The following DENND1A variants were observed in gnomAD, a reference collection of about 807,000 sequenced individuals.
The protein encoded by DENND1A is DENN domain containing 1A, also known as DENN domain-containing protein 1A.
In DENND1A, 51 loss-of-function variants were observed where a neutral mutation model predicts 113.7. The observed-to-expected ratio is 0.45, with a 90% CI of 0.36 to 0.57. DENND1A has a LOEUF of 0.57. Ranked by LOEUF, DENND1A falls within the 20% of genes least tolerant of loss-of-function variation. DENND1A has a pLI of 0.00. For missense variants in DENND1A, 1,258 were observed against 1,395.9 expected (o/e 0.90, Z 1.57); for synonymous variants, 565 against 570.8 (o/e 0.99, Z 0.14).
intron 1 of DENND1A, among the ~76,000 whole-genome samples, chr9:123,927,093 C>T (rs1178982035): frequency 6.6e-6 from 1 of 152,200 alleles, no homozygotes; most frequent in Non-Finnish European, 1.5e-5. Context: ...ATCGCCACCA[C>T]TGGACAGTAG....
intron 10 of DENND1A, among the ~76,000 whole-genome samples, chr9:123,612,910 G>GT (rs1296042273): frequency 6.6e-6 from 1 of 152,174 alleles, no homozygotes; most frequent in East Asian, 1.9e-4. Context: ...ACATGGTAGG[G>GT]TTTTCTCTGA....
intron 5 of DENND1A, among the ~76,000 whole-genome samples, chr9:123,737,198 G>A (rs1312856280): frequency 6.6e-6 from 1 of 151,996 alleles, no homozygotes; most frequent in Non-Finnish European, 1.5e-5. Flanking sequence ...GGTTGTTGTT[G>A]TTGTACTTGT....
intron 13 of DENND1A, among the ~76,000 whole-genome samples, chr9:123,541,416 G>A (rs993708722): frequency 6.6e-6 from 1 of 152,172 alleles, no homozygotes; most frequent in African/African-American, 2.4e-5. Context: ...TCCCTTCAGA[G>A]AACAGATAAT....
At chr9:123,861,114 G>A (rs1208995553) in intron 2 of DENND1A, among the ~76,000 whole-genome samples, 1 of 152,186 alleles carries the variant, frequency 6.6e-6, no homozygotes, top group Non-Finnish European at 1.5e-5. Context: ...TCTTAAGGTA[G>A]TCCAGTCCAA....
chr9:123,661,259 T>A (rs961510061), intron 8 of DENND1A, among the ~76,000 whole-genome samples: 3 of 152,184 alleles, frequency 2.0e-5, no homozygotes, highest in Non-Finnish European at 2.9e-5. Flanking sequence ...TAACAGACTT[T>A]CCCACACCTC....
At position 123,676,776 on chromosome 9, in the gene DENND1A, A is replaced by G; in HGVS notation, c.316T>C (p.Phe106Leu). Reference protein sequence around the residue: ...CFCILSYLPWFEVFYKLLNIL... With the variant: ...CFCILSYLPWLEVFYKLLNIL... ...TTAAGCAGCTTATAAAATACCTCGA[A>G]CCAGGGGAGATAGCTGGAGGAAGAA... The change falls in exon 6 of 24, where the codon TTC becomes CTC. Residue 106 changes from phenylalanine (F) to leucine (L), a missense_variant. Transcript: ENST00000394215. 6.2e-7 allele frequency: 1 copy of G among 1,614,062 alleles called. No individual in the cohort carries two copies. Among genetic ancestry groups the G allele is most frequent in the Non-Finnish European group, 8.5e-7 (1 of 1,179,972 alleles).
At chr9:123,760,470 C>T (rs75549215) in intron 4 of DENND1A, among the ~76,000 whole-genome samples, 10,986 of 152,186 alleles carry the variant, frequency 0.072, 469 homozygotes, top group Admixed American at 0.11. Context: ...TTCCACTCTC[C>T]TTATTTAACT....
chr9:123,615,486 G>A (rs1217359704), intron 10 of DENND1A, among the ~76,000 whole-genome samples: 1 of 152,206 alleles, frequency 6.6e-6, no homozygotes, highest in Non-Finnish European at 1.5e-5. Context: ...AGACCTAGGA[G>A]CTTCTACATT....
At chr9:123,408,981 G>A (rs1299559130) in intron 20 of DENND1A, among the ~76,000 whole-genome samples, 1 of 152,218 alleles carries the variant, frequency 6.6e-6, no homozygotes, top group African/African-American at 2.4e-5. Context: ...GGCTTAAGGG[G>A]AGGCTGTTTG....
chr9:123,487,841 T>G (rs1357937879), intron 13 of DENND1A, among the ~76,000 whole-genome samples: 5 of 152,250 alleles, frequency 3.3e-5, no homozygotes, highest in South Asian at 2.1e-4. Flanking sequence ...ATGTTTGATG[T>G]ACTATCCCTA....
chr9:123,632,483 A>G (rs1199849822), intron 9 of DENND1A, among the ~76,000 whole-genome samples: 5 of 152,000 alleles, frequency 3.3e-5, no homozygotes, highest in Non-Finnish European at 4.4e-5. Flanking sequence ...GAATGAACCA[A>G]CTCTGACCTG....
At chr9:123,530,919 TTC>T (rs930108257) in intron 13 of DENND1A, among the ~76,000 whole-genome samples, 2 of 152,338 alleles carry the variant, frequency 1.3e-5, no homozygotes, top group Admixed American at 6.5e-5. Context: ...TGTGGTCTTT[TTC>T]TCTCTTTCCA....
chr9:123,628,232 A>G (rs548890545), intron 10 of DENND1A, among the ~76,000 whole-genome samples: 1 of 151,846 alleles, frequency 6.6e-6, no homozygotes, highest in Non-Finnish European at 1.5e-5. Context: ...GAAGCCACTG[A>G]AGACAGCAGG....
intron 19 of DENND1A, chr9:123,413,813 G>A (rs1250650620): frequency 2.0e-6 from 2 of 985,180 alleles, no homozygotes; most frequent in Admixed American, 6.2e-5. Context: ...AAGTGTGTGG[G>A]GGAAAGGGGA....
chr9:123,757,983 A>AG (rs1229757635), intron 4 of DENND1A, among the ~76,000 whole-genome samples, 161 bp from the exon 5 acceptor site: 3 of 151,872 alleles, frequency 2.0e-5, no homozygotes, highest in Non-Finnish European at 4.4e-5. Flanking sequence ...AGTTAAAAAA[A>AG]AAAAAAAAAA....
At chr9:123,585,958 C>A (rs766330177) in intron 11 of DENND1A, among the ~76,000 whole-genome samples, 2 of 152,098 alleles carry the variant, frequency 1.3e-5, no homozygotes, top group Non-Finnish European at 2.9e-5. Flanking sequence ...CTTTTTAATA[C>A]ACACAATAGC....
At chr9:123,895,570 C>T (rs1049135223) in intron 1 of DENND1A, among the ~76,000 whole-genome samples, 16 of 149,718 alleles carry the variant, frequency 1.1e-4, no homozygotes, top group Non-Finnish European at 1.9e-4. Context: ...GGCACTGAGC[C>T]GAGATTATGC....
chr9:123,832,979 G>A (rs1478865461), intron 2 of DENND1A, among the ~76,000 whole-genome samples: 1 of 152,014 alleles, frequency 6.6e-6, no homozygotes, highest in Non-Finnish European at 1.5e-5. Context: ...CAGGTTGGGG[G>A]TCCGGGGGAG....
chr9:123,518,736 C>T (rs2054144249), intron 13 of DENND1A, among the ~76,000 whole-genome samples: 3 of 152,160 alleles, frequency 2.0e-5, no homozygotes, highest in Non-Finnish European at 4.4e-5. Context: ...ACTGACACCA[C>T]AGTCCATGCC....
Sources: gnomAD v4.1 joint callset for allele counts (sites outside exome capture counted in the v4.1 genomes callset) on GRCh38, gnomAD v4.1.1 for gene constraint, MANE v1.5 for transcripts, NCBI Gene and HGNC (gene_info 2026-07-23, HGNC 2026-07-21) for gene names.